The following EPB41L4B variants were observed in gnomAD, a reference collection of about 807,000 sequenced individuals.
The protein encoded by EPB41L4B is band 4.1-like protein 4B.
Under a neutral mutation model 112.5 loss-of-function variants are expected in EPB41L4B, and 30 were observed. That is an observed-to-expected ratio of 0.27 (90% CI 0.20 to 0.36). EPB41L4B has a LOEUF of 0.36. Ranked by LOEUF, EPB41L4B falls within the 10% of genes least tolerant of loss-of-function variation. The probability of loss-of-function intolerance (pLI) is 1.00; values close to 1 mark genes in which losing one functional copy is unlikely to be tolerated. For synonymous variants in EPB41L4B, 408 were observed against 439.7 expected, an observed-to-expected ratio of 0.93 and a Z score of 0.90; for missense variants, 1,024 against 1,133.3, an observed-to-expected ratio of 0.90 and a Z score of 1.38.
intron 1 of EPB41L4B, among the ~76,000 whole-genome samples, chr9:109,288,600 G>GCCGA (rs2119170315): frequency 6.6e-6 from 1 of 151,612 alleles, no homozygotes; most frequent in East Asian, 1.9e-4. Context: ...GCGGGCACCT[G>GCCGA]TAGTCCCAGC....
At chr9:109,316,268 A>G (rs28412870) in intron 1 of EPB41L4B, among the ~76,000 whole-genome samples, 39,740 of 152,220 alleles carry the variant, frequency 0.26, 8,332 homozygotes, top group African/African-American at 0.58. Flanking sequence ...AAATGCAACA[A>G]TGGCCCATGG....
At chr9:109,247,064 A>G (rs1272025998) in intron 14 of EPB41L4B, among the ~76,000 whole-genome samples, 1 of 151,782 alleles carries the variant, frequency 6.6e-6, no homozygotes, top group African/African-American at 2.4e-5. Context: ...GGTATTCATG[A>G]TAATAGCTCA....
intron 1 of EPB41L4B, among the ~76,000 whole-genome samples, chr9:109,298,486 G>C (rs1836825570): frequency 6.6e-6 from 1 of 151,906 alleles, no homozygotes; most frequent in Non-Finnish European, 1.5e-5. Context: ...GCTAATTTTT[G>C]TATTTTTAGT....
At chr9:109,213,042 G>A (rs1206735578) in intron 17 of EPB41L4B, among the ~76,000 whole-genome samples, 1 of 152,182 alleles carries the variant, frequency 6.6e-6, no homozygotes, top group East Asian at 1.9e-4. Flanking sequence ...AGGGCCGTGT[G>A]ACCTTGAGAA....
At chr9:109,237,485 C>T (rs934429088) in intron 15 of EPB41L4B, among the ~76,000 whole-genome samples, 1 of 152,094 alleles carries the variant, frequency 6.6e-6, no homozygotes, top group Non-Finnish European at 1.5e-5. Context: ...AAGTAATATT[C>T]CAGAAGACAT....
Position 109,268,390 on chromosome 9 carries a change from C to T in EPB41L4B, c.454+1G>A. On this transcript the variant is annotated splice_donor_variant, in intron 3 of 25. Coordinates refer to ENST00000374566, the MANE Select transcript of EPB41L4B (RefSeq NM_019114.5). LOFTEE classifies it high-confidence loss of function. ...GAGTGAGCTAAATTCTGCTTACTTA[C>T]TTTTCATCTGCTTTTTTATGGGTTT... The T allele has an allele frequency of 6.2e-7, 1 of 1,610,664 alleles. No homozygotes were observed. The highest frequency in any genetic ancestry group is 8.5e-7 in the Non-Finnish European group (1 of 1,179,140).
chr9:109,226,829 A>AATAT (rs370938269), intron 15 of EPB41L4B, among the ~76,000 whole-genome samples: 8 of 146,246 alleles, frequency 5.5e-5, no homozygotes, highest in African/African-American at 1.7e-4. Context: ...ATATATGAAG[A>AATAT]ATATATATAT....
At chr9:109,185,279 G>A (rs1832212279) in intron 23 of EPB41L4B, among the ~76,000 whole-genome samples, 2 of 152,340 alleles carry the variant, frequency 1.3e-5, no homozygotes, top group South Asian at 4.1e-4. Flanking sequence ...GAGACCTAGA[G>A]GCGAAGTGGG....
At chr9:109,182,320 T>G (rs749130078) in intron 24 of EPB41L4B, among the ~76,000 whole-genome samples, 7 of 152,186 alleles carry the variant, frequency 4.6e-5, no homozygotes, top group Non-Finnish European at 1.0e-4. Context: ...AGGTCACATA[T>G]GATACAATTG....
At chr9:109,260,491 T>G (rs563143822) in intron 6 of EPB41L4B, among the ~76,000 whole-genome samples, 10 of 148,914 alleles carry the variant, frequency 6.7e-5, no homozygotes, top group Middle Eastern at 3.3e-3. Flanking sequence ...CTTGGCTCAC[T>G]GCAACCTCCG....
chr9:109,247,695 T>C, intron 14 of EPB41L4B, 61 bp downstream of exon 14: 1 of 1,234,240 alleles, frequency 8.1e-7, no homozygotes, highest in South Asian at 2.1e-5. Flanking sequence ...AAAACCTTTT[T>C]TTAAATTTTA....
intron 2 of EPB41L4B, among the ~76,000 whole-genome samples, chr9:109,268,725 C>T (rs1053894993): frequency 6.6e-6 from 1 of 151,756 alleles, no homozygotes; most frequent in African/African-American, 2.4e-5. Context: ...GGTGAAACCC[C>T]GTCTCTACTA....
chr9:109,308,884 C>A (rs750317500), intron 1 of EPB41L4B, among the ~76,000 whole-genome samples: 1 of 152,112 alleles, frequency 6.6e-6, no homozygotes, highest in Non-Finnish European at 1.5e-5. Flanking sequence ...TCAAGACCAG[C>A]CTGGCCAACA....
intron 1 of EPB41L4B, among the ~76,000 whole-genome samples, chr9:109,299,961 C>T (rs1376939677): frequency 2.0e-5 from 3 of 152,220 alleles, no homozygotes; most frequent in Admixed American, 1.3e-4. Context: ...TAACACAACC[C>T]TACGGTGAAC....
chr9:109,193,338 T>C (rs536610207), intron 21 of EPB41L4B, among the ~76,000 whole-genome samples: 3 of 152,362 alleles, frequency 2.0e-5, no homozygotes, highest in South Asian at 4.1e-4. Context: ...TTGTGATCCC[T>C]GAAGCTGCAA....
intron 16 of EPB41L4B, among the ~76,000 whole-genome samples, chr9:109,216,105 T>C (rs1316695511): frequency 2.0e-5 from 3 of 152,258 alleles, no homozygotes; most frequent in Non-Finnish European, 4.4e-5. Flanking sequence ...AATGAGTTTT[T>C]CTATGATGAA....
chr9:109,277,784 G>A (rs1835890335), intron 2 of EPB41L4B, among the ~76,000 whole-genome samples: 1 of 152,186 alleles, frequency 6.6e-6, no homozygotes, highest in Non-Finnish European at 1.5e-5. Flanking sequence ...GCTGGGAGGG[G>A]ACAAAGGGCA....
At chr9:109,198,252 G>C (rs975441488) in intron 20 of EPB41L4B, among the ~76,000 whole-genome samples, 6 of 152,096 alleles carry the variant, frequency 3.9e-5, no homozygotes, top group African/African-American at 1.4e-4. Flanking sequence ...CCTACATTTT[G>C]CACTCTGGGT....
chr9:109,190,978 T>C (rs1333808727), intron 22 of EPB41L4B, among the ~76,000 whole-genome samples: 1 of 152,148 alleles, frequency 6.6e-6, no homozygotes, highest in Non-Finnish European at 1.5e-5. Flanking sequence ...GACACTGACT[T>C]GCGGAGGCAG....
Sources: allele counts gnomAD v4.1 joint callset (sites outside exome capture counted in the v4.1 genomes callset), GRCh38; gene constraint gnomAD v4.1.1; transcripts MANE v1.5; gene names NCBI Gene and HGNC (gene_info 2026-07-23, HGNC 2026-07-21).